CNGB3: variants seen among roughly 807,000 people sequenced by gnomAD.
CNGB3 encodes the protein cyclic nucleotide gated channel subunit beta 3.
CNGB3 carries 86 observed loss-of-function variants against 92.8 expected under a neutral mutation model. The ratio of observed to expected loss-of-function variants is 0.93; its 90% confidence interval spans 0.78 to 1.11. The LOEUF (loss-of-function observed/expected upper bound fraction) is 1.11, where lower values mean the gene tolerates loss of function less well. Among genes scored for constraint, CNGB3 ranks in the 50% least tolerant of loss-of-function variants. The probability of loss-of-function intolerance (pLI) is 0.00; values close to 1 mark genes in which losing one functional copy is unlikely to be tolerated. For missense variants in CNGB3, 1,026 were observed against 956.8 expected (o/e 1.07, Z -0.95); for synonymous variants, 333 against 332.7 (o/e 1.00, Z -0.01).
intron 13 of CNGB3, among the ~76,000 whole-genome samples, chr8:86,624,609 C>A (rs970989623): frequency 6.6e-6 from 1 of 152,094 alleles, no homozygotes; most frequent in African/African-American, 2.4e-5. Flanking sequence ...GTCATCCATC[C>A]TCCCGTAATA....
chr8:86,579,409 T>C (rs978960519), intron 15 of CNGB3, among the ~76,000 whole-genome samples, 157 bp from the exon 16 acceptor site: 10 of 152,338 alleles, frequency 6.6e-5, no homozygotes, highest in Middle Eastern at 3.4e-3. Flanking sequence ...TGTCAAGATG[T>C]GGGAATAGAA....
chr8:86,676,716 A>C (rs899726078), intron 3 of CNGB3, among the ~76,000 whole-genome samples: 1 of 152,184 alleles, frequency 6.6e-6, no homozygotes, highest in Non-Finnish European at 1.5e-5. Flanking sequence ...GGAACCTCAG[A>C]ATGTGACCTT....
intron 10 of CNGB3, among the ~76,000 whole-genome samples, chr8:86,635,574 G>A (rs907302907): frequency 9.9e-5 from 15 of 151,680 alleles, no homozygotes; most frequent in Non-Finnish European, 2.2e-4. Context: ...GATGCTTTGA[G>A]ATTTATTTTA....
At chr8:86,728,882 T>C (rs1319317180) in intron 2 of CNGB3, among the ~76,000 whole-genome samples, 2 of 152,172 alleles carry the variant, frequency 1.3e-5, no homozygotes, top group Non-Finnish European at 2.9e-5. Context: ...GAATCTGTAC[T>C]GTAAAACATT....
chr8:86,610,765 T>G (rs1652695928), intron 14 of CNGB3, among the ~76,000 whole-genome samples: 1 of 152,226 alleles, frequency 6.6e-6, no homozygotes, highest in Admixed American at 6.5e-5. Flanking sequence ...CCCAGGGTCA[T>G]CATTCCTTTC....
chr8:86,622,254 C>T (rs909541926), intron 13 of CNGB3, among the ~76,000 whole-genome samples: 1 of 152,004 alleles, frequency 6.6e-6, no homozygotes, highest in Non-Finnish European at 1.5e-5. Context: ...TAGAGTAAGT[C>T]TCATTCCTTG....
intron 3 of CNGB3, among the ~76,000 whole-genome samples, chr8:86,684,638 G>T (rs1824147653): frequency 7.0e-6 from 1 of 142,376 alleles, no homozygotes. Flanking sequence ...GTAAGTTCAT[G>T]TCATGGAATA....
intron 13 of CNGB3, among the ~76,000 whole-genome samples, chr8:86,619,561 CTG>C (rs1233096457): frequency 6.6e-6 from 1 of 152,006 alleles, no homozygotes; most frequent in African/African-American, 2.4e-5. Flanking sequence ...TAGTGAAAAT[CTG>C]TGACTCTAAT....
chr8:86,709,050 T>A (rs1824702803), intron 3 of CNGB3, among the ~76,000 whole-genome samples: 1 of 152,174 alleles, frequency 6.6e-6, no homozygotes, highest in South Asian at 2.1e-4. Flanking sequence ...TGGAAAATGC[T>A]GCAACATGTT....
At chr8:86,631,887 G>A (rs973474810) in intron 11 of CNGB3, among the ~76,000 whole-genome samples, 1 of 152,138 alleles carries the variant, frequency 6.6e-6, no homozygotes, top group Non-Finnish European at 1.5e-5. Flanking sequence ...CTGAGGCCTT[G>A]CTTGTTTCTC....
At chr8:86,723,967 T>C (rs1459737288) in intron 3 of CNGB3, among the ~76,000 whole-genome samples, 1 of 152,086 alleles carries the variant, frequency 6.6e-6, no homozygotes, top group Admixed American at 6.6e-5. Context: ...CTTACAATGG[T>C]AGCTAAACAT....
chr8:86,717,847 A>G (rs551273243), intron 3 of CNGB3, among the ~76,000 whole-genome samples: 228 of 152,316 alleles, frequency 1.5e-3, no homozygotes, highest in Non-Finnish European at 2.6e-3. Context: ...ATTTGAAATC[A>G]ACTCCAAAAG....
At chr8:86,685,199 A>G (rs913870621) in intron 3 of CNGB3, among the ~76,000 whole-genome samples, 2 of 152,032 alleles carry the variant, frequency 1.3e-5, no homozygotes, top group African/African-American at 2.4e-5. Flanking sequence ...TTAAATTTTT[A>G]ATTCATAAAA....
intron 13 of CNGB3, among the ~76,000 whole-genome samples, chr8:86,613,653 C>T (rs766968398): frequency 1.3e-5 from 2 of 151,780 alleles, no homozygotes; most frequent in Non-Finnish European, 2.9e-5. Context: ...CTCAAAAGAC[C>T]CACTTATATT....
intron 7 of CNGB3, among the ~76,000 whole-genome samples, chr8:86,651,126 C>A (rs1318522076): frequency 6.6e-6 from 1 of 151,088 alleles, no homozygotes; most frequent in East Asian, 1.9e-4. Context: ...CAAAGGCATA[C>A]AGAGTGATAT....
chr8:86,647,768 A>G (rs1174130801), intron 8 of CNGB3, 33 bp downstream of exon 8: 2 of 1,075,534 alleles, frequency 1.9e-6, no homozygotes, highest in African/African-American at 3.1e-5. Flanking sequence ...TTTCCATTAT[A>G]AGGGAAAAGA....
At chr8:86,741,758 C>T (rs1586047062) in intron 1 of CNGB3, among the ~76,000 whole-genome samples, 1 of 152,040 alleles carries the variant, frequency 6.6e-6, no homozygotes, top group South Asian at 2.1e-4. Context: ...ATGGGATATA[C>T]CTAAGGGGTG....
At chr8:86,693,053 G>A (rs916603598) in intron 3 of CNGB3, among the ~76,000 whole-genome samples, 3 of 152,130 alleles carry the variant, frequency 2.0e-5, no homozygotes, top group African/African-American at 7.2e-5. Flanking sequence ...TTAAAGACAG[G>A]ACCCCAATCC....
intron 3 of CNGB3, among the ~76,000 whole-genome samples, chr8:86,689,678 A>G (rs927869761): frequency 6.6e-6 from 1 of 151,956 alleles, no homozygotes; most frequent in Non-Finnish European, 1.5e-5. Flanking sequence ...TGTCACTTAT[A>G]TTAGGTATAT....
Sources: gnomAD v4.1 joint callset for allele counts (sites outside exome capture counted in the v4.1 genomes callset) on GRCh38, gnomAD v4.1.1 for gene constraint, MANE v1.5 for transcripts, NCBI Gene and HGNC (gene_info 2026-07-23, HGNC 2026-07-21) for gene names.